Variants in SEC31A observed in about 807,000 individuals in gnomAD.
SEC31A encodes SEC31 homolog A, COPII component, also known as protein transport protein Sec31A.
SEC31A carries 70 observed loss-of-function variants against 151.0 expected under a neutral mutation model. That is an observed-to-expected ratio of 0.46 (90% CI 0.38 to 0.57). The LOEUF (loss-of-function observed/expected upper bound fraction) is 0.57, where lower values mean the gene tolerates loss of function less well. SEC31A is among the 20% of genes least tolerant of loss of function. The pLI, the probability that SEC31A is intolerant of heterozygous loss-of-function variation, is 0.00. For synonymous variants in SEC31A, 475 were observed against 505.9 expected (o/e 0.94, Z 0.82); for missense variants, 1,330 against 1,471.2 (o/e 0.90, Z 1.57).
chr4:82,891,062 G>A (rs1294650790), intron 1 of SEC31A, 26 bp downstream of exon 1: 3 of 1,535,740 alleles, frequency 2.0e-6, no homozygotes, highest in Non-Finnish European at 2.6e-6. Flanking sequence ...CCGGCGAAGA[G>A]GACAAAAAGC....
chr4:82,887,417 G>C (rs200344846), intron 1 of SEC31A, among the ~76,000 whole-genome samples: 2 of 134,740 alleles, frequency 1.5e-5, no homozygotes, highest in Non-Finnish European at 3.4e-5. Flanking sequence ...AAAGAAAAAA[G>C]AAAGGAAAAG....
intron 4 of SEC31A, chr4:82,878,101 T>C (rs960974497): frequency 6.6e-6 from 1 of 152,388 alleles, no homozygotes; most frequent in African/African-American, 2.4e-5. Context: ...ACCAGCCTAA[T>C]GCTGACCTAG....
chr4:82,862,500 T>C, intron 13 of SEC31A, 34 bp downstream of exon 13: 1 of 1,586,084 alleles, frequency 6.3e-7, no homozygotes, highest in Non-Finnish European at 8.7e-7. Context: ...TAGCCAAAGT[T>C]TTAGAAGGTA....
intron 24 of SEC31A, 87 bp downstream of exon 24, chr4:82,827,282 T>C (rs1724825867): frequency 1.5e-6 from 2 of 1,376,360 alleles, no homozygotes; most frequent in East Asian, 4.6e-5. Flanking sequence ...TTAATAATAA[T>C]CATGCAATCA....
At chr4:82,874,789 C>T (rs770711761) in intron 5 of SEC31A, 38 bp from the exon 6 acceptor site, 3 of 1,576,940 alleles carry the variant, frequency 1.9e-6, no homozygotes, top group Non-Finnish European at 2.6e-6. Context: ...CTGCTTGTTT[C>T]TCTATTATAA....
At chr4:82,833,944 T>C (rs898755263) in intron 22 of SEC31A, among the ~76,000 whole-genome samples, 1 of 152,210 alleles carries the variant, frequency 6.6e-6, no homozygotes, top group Non-Finnish European at 1.5e-5. Context: ...TCTCATTGTG[T>C]AGAGTGCAAT....
chr4:82,898,790 G>A (rs1274588924), intron 3 of SEC31A, among the ~76,000 whole-genome samples: 3 of 152,206 alleles, frequency 2.0e-5, no homozygotes, highest in Non-Finnish European at 4.4e-5. Flanking sequence ...ATGTAAAATG[G>A]TGCAGCCACT....
At chr4:82,849,572 C>A (rs1433255737) in intron 19 of SEC31A, among the ~76,000 whole-genome samples, 1 of 147,452 alleles carries the variant, frequency 6.8e-6, no homozygotes, top group Non-Finnish European at 1.5e-5. Context: ...TGAGAACATA[C>A]CACTGCACTC....
chr4:82,872,144 TACA>T (rs1208816958), intron 6 of SEC31A, 58 bp from the exon 7 acceptor site: 2 of 1,262,422 alleles, frequency 1.6e-6, no homozygotes, highest in Non-Finnish European at 2.3e-6. Context: ...AAAGCCAAAC[TACA>T]ACGAGAAATA....
chr4:82,889,410 C>T (rs1424384417), intron 1 of SEC31A, among the ~76,000 whole-genome samples: 1 of 151,900 alleles, frequency 6.6e-6, no homozygotes, highest in Non-Finnish European at 1.5e-5. Context: ...ATTAGTTGGG[C>T]GTGCGCCACG....
chr4:82,850,885 T>C (rs4693518), intron 19 of SEC31A, among the ~76,000 whole-genome samples: 68,901 of 152,056 alleles, frequency 0.45, 18,198 homozygotes, highest in Admixed American at 0.6. Context: ...GAAACAAGTA[T>C]AGTTTTGCCC....
chr4:82,856,296 G>A (rs1004972852), intron 16 of SEC31A, among the ~76,000 whole-genome samples: 1 of 151,670 alleles, frequency 6.6e-6, no homozygotes, highest in African/African-American at 2.4e-5. Context: ...GATTACAGGT[G>A]CCCACCACCA....
chr4:82,827,026 T>A (rs1724763996), intron 24 of SEC31A, among the ~76,000 whole-genome samples: 1 of 152,252 alleles, frequency 6.6e-6, no homozygotes, highest in Non-Finnish European at 1.5e-5. Flanking sequence ...TCACTATATT[T>A]TTCTTTTCTA....
At chr4:82,829,157 C>T in intron 22 of SEC31A, 99 bp from the exon 23 acceptor site, 7 of 923,046 alleles carry the variant, frequency 7.6e-6, no homozygotes, top group Admixed American at 2.1e-5. Flanking sequence ...TGCCTTAACC[C>T]TGAAATAACT....
chr4:82,856,927 A>C (rs766362752), intron 16 of SEC31A, 25 bp downstream of exon 16: 13 of 1,573,492 alleles, frequency 8.3e-6, no homozygotes, highest in Admixed American at 3.8e-5. Context: ...TAAATACGTT[A>C]TTGCTTATTT....
chr4:82,888,127 C>A (rs1479730300), intron 1 of SEC31A, among the ~76,000 whole-genome samples: 2 of 151,854 alleles, frequency 1.3e-5, no homozygotes, highest in South Asian at 4.2e-4. Context: ...GTAATCCCAG[C>A]ACTTTGGGAG....
At chr4:82,858,188 G>A (rs1018845721) in intron 14 of SEC31A, among the ~76,000 whole-genome samples, 7 of 151,536 alleles carry the variant, frequency 4.6e-5, no homozygotes, top group African/African-American at 1.2e-4. Context: ...TGAGGTGGGC[G>A]GATCACAAGG....
chr4:82,828,694 A>AAG (rs1553924462), intron 23 of SEC31A, among the ~76,000 whole-genome samples: 1 of 150,634 alleles, frequency 6.6e-6, no homozygotes, highest in Non-Finnish European at 1.5e-5. Flanking sequence ...AAAAAAAAAA[A>AAG]AAAGAAAGCA....
At chr4:82,881,174 C>T (rs1237088387) in intron 2 of SEC31A, among the ~76,000 whole-genome samples, 1 of 152,086 alleles carries the variant, frequency 6.6e-6, no homozygotes, top group Non-Finnish European at 1.5e-5. Flanking sequence ...AAAAATGGTC[C>T]CGTGATGGGG....
Sources: gnomAD v4.1 joint callset for allele counts (sites outside exome capture counted in the v4.1 genomes callset) on GRCh38, gnomAD v4.1.1 for gene constraint, MANE v1.5 for transcripts, NCBI Gene and HGNC (gene_info 2026-07-23, HGNC 2026-07-21) for gene names.